Variants in SCLT1 observed in about 807,000 individuals in gnomAD.
SCLT1 encodes the protein sodium channel and clathrin linker 1, also known as sodium channel-associated protein 1.
In SCLT1, 78 loss-of-function variants were observed where a neutral mutation model predicts 112.8. That is an observed-to-expected ratio of 0.69 (90% confidence interval 0.58 to 0.83). The LOEUF (loss-of-function observed/expected upper bound fraction) is 0.83, where lower values mean the gene tolerates loss of function less well. SCLT1 is among the 40% of genes least tolerant of loss of function. The probability of loss-of-function intolerance (pLI) is 0.00; values close to 1 mark genes in which losing one functional copy is unlikely to be tolerated. For missense variants in SCLT1, 747 were observed against 770.4 expected (o/e 0.97, Z 0.36); for synonymous variants, 257 against 254.7 (o/e 1.01, Z -0.09).
intron 4 of SCLT1, chr4:128,874,897 T>C (rs978326183): frequency 6.6e-6 from 1 of 152,628 alleles, no homozygotes; most frequent in African/African-American, 2.4e-5. Context: ...TTTTATGTGT[T>C]GTGTACAAAT....
chr4:128,965,600 C>G (rs1487770369), intron 10 of SCLT1, among the ~76,000 whole-genome samples: 1 of 152,130 alleles, frequency 6.6e-6, no homozygotes, highest in Non-Finnish European at 1.5e-5. Flanking sequence ...ACAAGTCTAA[C>G]AAAACGAGAG....
chr4:128,887,700 T>A (rs1732990397), intron 20 of SCLT1, among the ~76,000 whole-genome samples: 1 of 152,188 alleles, frequency 6.6e-6, no homozygotes. Context: ...CCTACTTCAT[T>A]TATATGATGT....
intron 9 of SCLT1, among the ~76,000 whole-genome samples, chr4:128,976,388 A>C (rs568045976): frequency 6.6e-6 from 1 of 152,304 alleles, no homozygotes; most frequent in South Asian, 2.1e-4. Flanking sequence ...GAGTCATGTA[A>C]CTTTGGGTAA....
Position 128,926,550 on chromosome 4 carries a change from AG to A in SCLT1, c.1829+10104del, listed in dbSNP as rs573411286. 9.3e-4 allele frequency among the ~76,000 whole-genome samples: 141 copies of A among 152,302 alleles called. 4 individuals carry two copies. The highest frequency in any genetic ancestry group is 3.3e-3 in the African/African-American group (138 of 41,550). ...TTCACCACCAGTAGATCTTTACCAA[AG>A]GAACTTCTGAAAGACATAATTCAGA... On this transcript the variant is annotated intron_variant, in intron 18 of 20. Coordinates refer to ENST00000281142, the MANE Select transcript of SCLT1 (RefSeq NM_144643.4).
intron 2 of SCLT1, among the ~76,000 whole-genome samples, chr4:129,072,975 TC>T (rs1252148751): frequency 6.6e-6 from 1 of 152,114 alleles, no homozygotes; most frequent in Non-Finnish European, 1.5e-5. Context: ...TTGTTCAGAT[TC>T]TTTTGTCCCT....
chr4:128,946,578 A>T (rs1393112538), intron 15 of SCLT1, among the ~76,000 whole-genome samples: 1 of 152,196 alleles, frequency 6.6e-6, no homozygotes, highest in Non-Finnish European at 1.5e-5. Context: ...TCTCTTAAAA[A>T]ATAGAATTTA....
chr4:128,963,480 C>T (rs1739913601), intron 11 of SCLT1, among the ~76,000 whole-genome samples: 1 of 152,174 alleles, frequency 6.6e-6, no homozygotes, highest in African/African-American at 2.4e-5. Flanking sequence ...TGATGCTTCA[C>T]CTGTGAATAC....
At chr4:128,970,233 A>C (rs775112893) in intron 10 of SCLT1, 145 bp downstream of exon 10, 8 of 621,548 alleles carry the variant, frequency 1.3e-5, no homozygotes, top group Non-Finnish European at 2.3e-5. Flanking sequence ...AATATAGTTT[A>C]GCTTCCTACT....
At chr4:128,873,566 C>T (rs1263487106) in intron 5 of SCLT1, 3 of 152,478 alleles carry the variant, frequency 2.0e-5, no homozygotes, top group African/African-American at 7.2e-5. Context: ...CCCCATAGTG[C>T]GTATGTATTA....
chr4:128,911,075 C>A (rs1735059450), intron 18 of SCLT1, among the ~76,000 whole-genome samples: 1 of 152,012 alleles, frequency 6.6e-6, no homozygotes, highest in African/African-American at 2.4e-5. Flanking sequence ...ACCAGCCTGG[C>A]AAACATGGTG....
intron 2 of SCLT1, among the ~76,000 whole-genome samples, chr4:129,053,626 T>A (rs1028338008): frequency 7.5e-6 from 1 of 133,608 alleles, no homozygotes; most frequent in Non-Finnish European, 1.6e-5. Flanking sequence ...CCCCCATCCC[T>A]TTATTTTGAG....
At chr4:128,885,126 C>T (rs893043385) in intron 20 of SCLT1, among the ~76,000 whole-genome samples, 1 of 152,096 alleles carries the variant, frequency 6.6e-6, no homozygotes, top group African/African-American at 2.4e-5. Flanking sequence ...GTTTCTAAAA[C>T]ACAAACTAAT....
At chr4:129,056,959 G>C (rs1352893608) in intron 2 of SCLT1, among the ~76,000 whole-genome samples, 1 of 152,216 alleles carries the variant, frequency 6.6e-6, no homozygotes, top group Non-Finnish European at 1.5e-5. Flanking sequence ...AATAATGCTG[G>C]CTGTGGGTTT....
intron 2 of SCLT1, among the ~76,000 whole-genome samples, chr4:129,060,311 C>T (rs1405289222): frequency 2.0e-5 from 3 of 151,940 alleles, no homozygotes; most frequent in Non-Finnish European, 4.4e-5. Context: ...TTGAATTATT[C>T]TTCTGGAAAT....
At chr4:129,030,471 C>T (rs965488541) in intron 5 of SCLT1, among the ~76,000 whole-genome samples, 3 of 152,032 alleles carry the variant, frequency 2.0e-5, no homozygotes, top group Non-Finnish European at 4.4e-5. Context: ...CAGAGCAGAA[C>T]TGAAGGAGAC....
intron 9 of SCLT1, among the ~76,000 whole-genome samples, chr4:128,985,928 T>C (rs940198261): frequency 3.9e-5 from 6 of 152,188 alleles, no homozygotes; most frequent in African/African-American, 1.4e-4. Flanking sequence ...CAGAGCAAGA[T>C]GGCTGAGTAG....
intron 2 of SCLT1, among the ~76,000 whole-genome samples, chr4:129,071,863 G>A (rs371786020): frequency 1.3e-5 from 2 of 151,920 alleles, no homozygotes; most frequent in South Asian, 2.1e-4. Context: ...GTGTACTTTG[G>A]TTTTTTTGTT....
rs2126020688 is a variant in SCLT1 at position 128,963,538 on chromosome 4, G to A, written c.869+1689C>T. ...TCTTACAGACTTTTCTTCTAACAATGTATGGAAAATCATACCTAGTCATAC... is the reference window on the plus strand; with the variant it reads ...TCTTACAGACTTTTCTTCTAACAATATATGGAAAATCATACCTAGTCATAC... On this transcript the variant is annotated intron_variant, in intron 11 of 20. Coordinates refer to ENST00000281142, the MANE Select transcript of SCLT1 (RefSeq NM_144643.4). Among the ~76,000 whole-genome samples, 3 of 152,184 alleles carry A rather than the reference G, an allele frequency of 2.0e-5. 1 individual carries two copies. The South Asian group carries it at 6.2e-4, about 32-fold the overall frequency.
chr4:128,886,660 T>G (rs1354360147), intron 20 of SCLT1, among the ~76,000 whole-genome samples: 1 of 152,134 alleles, frequency 6.6e-6, no homozygotes, highest in East Asian at 1.9e-4. Flanking sequence ...AGGGAAAGAT[T>G]TGTTACAGAA....
Sources: allele counts gnomAD v4.1 joint callset (sites outside exome capture counted in the v4.1 genomes callset), GRCh38; gene constraint gnomAD v4.1.1; transcripts MANE v1.5; gene names NCBI Gene and HGNC (gene_info 2026-07-23, HGNC 2026-07-21).